C1D: variants seen among roughly 807,000 people sequenced by gnomAD.
C1D encodes the protein C1D nuclear receptor corepressor.
In C1D, 10 loss-of-function variants were observed where a neutral mutation model predicts 17.5. That is an observed-to-expected ratio of 0.57 (90% CI 0.35 to 0.97). The LOEUF (loss-of-function observed/expected upper bound fraction) is 0.97, where lower values mean the gene tolerates loss of function less well. Among genes scored for constraint, C1D ranks in the 50% least tolerant of loss-of-function variants. C1D has a pLI of 0.01. For synonymous variants in C1D, 49 were observed against 54.0 expected, an observed-to-expected ratio of 0.91 and a Z score of 0.40; for missense variants, 136 against 160.1, an observed-to-expected ratio of 0.85 and a Z score of 0.81.
chr2:68,059,140 G>T (rs567586713), intron 1 of C1D, among the ~76,000 whole-genome samples: 1 of 152,332 alleles, frequency 6.6e-6, no homozygotes, highest in South Asian at 2.1e-4. Context: ...GAGCAGGCAT[G>T]TGACAGGGCA....
intron 1 of C1D, among the ~76,000 whole-genome samples, chr2:68,058,211 T>G (rs550156187): frequency 6.6e-6 from 1 of 152,226 alleles, no homozygotes; most frequent in Non-Finnish European, 1.5e-5. Context: ...TCAATAGATA[T>G]TTAATTAGCC....
At chr2:68,062,046 C>G (rs970065527) in intron 1 of C1D, among the ~76,000 whole-genome samples, 6 of 152,124 alleles carry the variant, frequency 3.9e-5, no homozygotes, top group African/African-American at 1.4e-4. Context: ...AGTTAAATAA[C>G]TAAAAGTATA....
At chr2:68,053,878 G>C (rs779872732) in intron 1 of C1D, among the ~76,000 whole-genome samples, 1 of 152,142 alleles carries the variant, frequency 6.6e-6, no homozygotes, top group Non-Finnish European at 1.5e-5. Flanking sequence ...CTTATCTTTG[G>C]AGGTAAAAAA....
At chr2:68,045,111 A>G (rs1376884314) in intron 4 of C1D, among the ~76,000 whole-genome samples, 1 of 152,182 alleles carries the variant, frequency 6.6e-6, no homozygotes, top group Admixed American at 6.5e-5. Flanking sequence ...CTTAGACTAC[A>G]TGTTGAAAAA....
chr2:68,047,165 TAA>T lies in C1D; in HGVS notation c.138+6_138+7del. The T allele has an allele frequency of 6.3e-7, 1 of 1,591,980 alleles. No homozygotes were observed. The highest frequency in any genetic ancestry group is 8.5e-7 in the Non-Finnish European group (1 of 1,173,578). On this transcript the variant is annotated splice_donor_region_variant and intron_variant, in intron 2 of 4. Transcript: ENST00000410067. Reference sequence around the variant, plus strand: ...ATTCATTTTTAGGAAATTACATTTTTAAAATACCTTCTGCAACAACTCATTTC... The same window carrying T: ...ATTCATTTTTAGGAAATTACATTTTTAATACCTTCTGCAACAACTCATTTC...
intron 4 of C1D, among the ~76,000 whole-genome samples, chr2:68,044,745 G>T (rs1224348926): frequency 6.6e-6 from 1 of 151,962 alleles, no homozygotes; most frequent in African/African-American, 2.4e-5. Flanking sequence ...AGGGGAAGAG[G>T]TTTATGCATG....
chr2:68,057,376 C>G (rs1671470479), intron 1 of C1D, among the ~76,000 whole-genome samples: 1 of 151,576 alleles, frequency 6.6e-6, no homozygotes, highest in African/African-American at 2.4e-5. Flanking sequence ...AGGCTGGTCT[C>G]AAACTCCTGA....
Position 68,050,190 on chromosome 2 carries a change from T to G in C1D, c.-9-2871A>C, listed in dbSNP as rs182512696. Among the ~76,000 whole-genome samples, 507 of 152,228 alleles carry G rather than the reference T, an allele frequency of 3.3e-3. 1 individual carries two copies. Among genetic ancestry groups the G allele is most frequent in the African/African-American group, 0.011 (474 of 41,514 alleles). Reference sequence around the variant, plus strand: ...CATGTGCTTATAAATTAAAATGTCCTCCTCAAACTTGTCTCTAAACTTACT... The same window carrying G: ...CATGTGCTTATAAATTAAAATGTCCGCCTCAAACTTGTCTCTAAACTTACT... On this transcript the variant is annotated intron_variant, in intron 1 of 4. Transcript: ENST00000410067.
chr2:68,049,772 C>T (rs1347739116), intron 1 of C1D, among the ~76,000 whole-genome samples: 1 of 152,076 alleles, frequency 6.6e-6, no homozygotes, highest in Non-Finnish European at 1.5e-5. Flanking sequence ...TAGATTATAT[C>T]AAATATTTAC....
intron 1 of C1D, among the ~76,000 whole-genome samples, chr2:68,047,823 T>C (rs1280374715): frequency 6.6e-6 from 1 of 152,224 alleles, no homozygotes; most frequent in Non-Finnish European, 1.5e-5. Context: ...TCTTAAAAAC[T>C]GTTGAATTAG....
chr2:68,046,232 T>TAAA (rs1424918031), intron 3 of C1D, 112 bp downstream of exon 3: 8 of 898,444 alleles, frequency 8.9e-6, no homozygotes, highest in Non-Finnish European at 1.4e-5. Flanking sequence ...AAGTATCTAT[T>TAAA]AAAAGTGTTA....
rs868584232 is a variant in C1D at position 68,042,837 on chromosome 2, G to C, written c.*52C>G. 11 of 355,792 alleles carry C rather than the reference G, an allele frequency of 3.1e-5. 1 individual carries two copies. The highest frequency in any genetic ancestry group is 1.4e-4 in the Admixed American group (2 of 14,274). The allele number at this position is 355,792 out of a possible 1,614,324, so 22.0% of individuals were successfully genotyped here. On this transcript the variant is annotated 3_prime_UTR_variant, in exon 5 of 5. Transcript: ENST00000410067. ...CCACAGAATTATTTTGCGGGGGGGG[G>C]GGGGGGGGGGAAGATGTACTTTTTG...
chr2:68,054,978 T>A (rs79358281), intron 1 of C1D, among the ~76,000 whole-genome samples: 4,660 of 139,650 alleles, frequency 0.033, 236 homozygotes, highest in African/African-American at 0.13. Flanking sequence ...TCTTTTTTTT[T>A]TAAAAAAAAA....
chr2:68,044,963 G>A (rs1173694856), intron 4 of C1D, among the ~76,000 whole-genome samples: 1 of 152,078 alleles, frequency 6.6e-6, no homozygotes, highest in Non-Finnish European at 1.5e-5. Flanking sequence ...CATTTTAAAG[G>A]TTTAAAGCCG....
In C1D at chr2:68,042,262, CA is replaced by C; in HGVS notation, c.*626del. On this transcript the variant is annotated 3_prime_UTR_variant, in exon 5 of 5. Transcript: ENST00000410067. ...AGTCATCATGCCAAAATTCATCCAT[CA>C]ACATACAACCTTATTTCCCATCTAA... is the stretch of plus-strand genomic sequence containing the variant. 1 of 152,508 alleles carries C rather than the reference CA, an allele frequency of 6.6e-6. No individual in the cohort carries two copies. Among genetic ancestry groups the C allele is most frequent in the Non-Finnish European group, 1.5e-5 (1 of 67,974 alleles). 9.4% of individuals were successfully genotyped at this position (152,508 alleles called of 1,614,324 possible).
intron 1 of C1D, chr2:68,053,237 G>A: frequency 5.8e-6 from 9 of 1,539,662 alleles, no homozygotes; most frequent in Non-Finnish European, 7.9e-6. Flanking sequence ...TTGCGGGGAT[G>A]CTGCCCAGTA....
At chr2:68,060,842 A>T (rs1671608632) in intron 1 of C1D, among the ~76,000 whole-genome samples, 1 of 152,216 alleles carries the variant, frequency 6.6e-6, no homozygotes, top group Non-Finnish European at 1.5e-5. Context: ...ATTCATGTCG[A>T]GGCACATTTT....
chr2:68,044,292 A>C (rs2103791397), intron 4 of C1D, among the ~76,000 whole-genome samples: 1 of 152,374 alleles, frequency 6.6e-6, no homozygotes, highest in South Asian at 2.1e-4. Context: ...CTCACTTGGA[A>C]ATAATGCCTA....
rs1670996608 is a variant in C1D, at chr2:68,042,792, C to CACATTTAA, written c.*89_*96dup. 1.7e-6 allele frequency: 1 copy of CACATTTAA among 575,998 alleles called. No homozygotes were observed. Among genetic ancestry groups the CACATTTAA allele is most frequent in the Non-Finnish European group, 3.0e-6 (1 of 328,068 alleles). 35.7% of individuals were successfully genotyped at this position (575,998 alleles called of 1,614,324 possible). On this transcript the variant is annotated 3_prime_UTR_variant, in exon 5 of 5. Coordinates refer to ENST00000410067, the MANE Select transcript of C1D (RefSeq NM_173177.3). ...TGTGAATTTACATATTAATAAGAAA[C>CACATTTAA]ACATTTAAACCTTGCCCTGCCACAG... is the stretch of plus-strand genomic sequence containing the variant.
Sources: allele counts gnomAD v4.1 joint callset (sites outside exome capture counted in the v4.1 genomes callset), GRCh38; gene constraint gnomAD v4.1.1; transcripts MANE v1.5; gene names NCBI Gene and HGNC (gene_info 2026-07-23, HGNC 2026-07-21).